SLC4A10: variants seen among roughly 807,000 people sequenced by gnomAD.
SLC4A10 encodes sodium-driven chloride bicarbonate exchanger.
A neutral mutation model predicts 137.7 loss-of-function variants in SLC4A10; 42 were observed. The ratio of observed to expected loss-of-function variants is 0.30; its 90% confidence interval spans 0.24 to 0.39. The LOEUF is 0.39. SLC4A10 is among the 10% of genes least tolerant of loss of function. The probability of loss-of-function intolerance (pLI) is 1.00; values close to 1 mark genes in which losing one functional copy is unlikely to be tolerated. For missense variants in SLC4A10, 925 were observed against 1,355.0 expected (o/e 0.68, Z 4.98); for synonymous variants, 474 against 464.1 (o/e 1.02, Z -0.27).
chr2:161,851,923 T>C (rs1225807556), intron 4 of SLC4A10, among the ~76,000 whole-genome samples: 1 of 152,186 alleles, frequency 6.6e-6, no homozygotes, highest in Non-Finnish European at 1.5e-5. Flanking sequence ...AGGATCTCAC[T>C]CTATCAGCCA....
At chr2:161,947,860 G>A (rs1694105997) in intron 17 of SLC4A10, 133 bp downstream of exon 17, 2 of 975,858 alleles carry the variant, frequency 2.0e-6, no homozygotes, top group Admixed American at 2.6e-5. Context: ...GTGAGATGAG[G>A]GGCTGAAGAG....
intron 1 of SLC4A10, among the ~76,000 whole-genome samples, chr2:161,703,176 G>T (rs2043297926): frequency 6.6e-6 from 1 of 151,538 alleles, no homozygotes; most frequent in Admixed American, 6.6e-5. Context: ...ACTTATTGGG[G>T]TTTATTCTAA....
At chr2:161,753,148 T>C (rs1237039431) in intron 1 of SLC4A10, among the ~76,000 whole-genome samples, 1 of 152,160 alleles carries the variant, frequency 6.6e-6, no homozygotes, top group Non-Finnish European at 1.5e-5. Context: ...TTCATAATCT[T>C]TGCTCATATG....
chr2:161,760,241 A>ATATTTT (rs912054109), intron 1 of SLC4A10, among the ~76,000 whole-genome samples: 1 of 151,758 alleles, frequency 6.6e-6, no homozygotes, highest in Non-Finnish European at 1.5e-5. Flanking sequence ...TGAATTTTTT[A>ATATTTT]TATTTTTGTA....
chr2:161,637,011 C>A (rs922707834), intron 1 of SLC4A10, among the ~76,000 whole-genome samples: 2 of 149,258 alleles, frequency 1.3e-5, no homozygotes, highest in African/African-American at 4.9e-5. Flanking sequence ...CATCACTATA[C>A]CCGGCCTACA....
chr2:161,856,577 A>G (rs1454966514), intron 5 of SLC4A10, among the ~76,000 whole-genome samples: 2 of 152,152 alleles, frequency 1.3e-5, no homozygotes, highest in African/African-American at 4.8e-5. Context: ...GAGAAAATAG[A>G]GAAAATGATT....
chr2:161,958,415 T>C, intron 20 of SLC4A10, 72 bp from the exon 21 acceptor site: 1 of 1,307,314 alleles, frequency 7.6e-7, no homozygotes, highest in South Asian at 1.3e-5. Flanking sequence ...CCCTGTTTTT[T>C]TCTTTGATAA....
intron 1 of SLC4A10, among the ~76,000 whole-genome samples, chr2:161,661,609 A>T (rs1311090620): frequency 6.6e-6 from 1 of 152,212 alleles, no homozygotes; most frequent in Admixed American, 6.5e-5. Flanking sequence ...TGCTTTATGG[A>T]ATTTTACTGT....
At position 161,764,879 on chromosome 2, in the gene SLC4A10, G is replaced by A. The variant is rs553993755; in HGVS notation, c.49-6094G>A. 3.9e-5 allele frequency among the ~76,000 whole-genome samples: 6 copies of A among 152,158 alleles called. No homozygotes were observed. The East Asian group carries it at 1.2e-3, about 29-fold the overall frequency. ...AAAAATTCTTCCGTTCCTAAACTTA[G>A]CACAACTGACACTTCTAAAATGGGA... On this transcript the variant is annotated intron_variant, in intron 1 of 26. Transcript: ENST00000446997.
At chr2:161,678,248 T>C (rs1003435621) in intron 1 of SLC4A10, among the ~76,000 whole-genome samples, 3 of 152,122 alleles carry the variant, frequency 2.0e-5, no homozygotes, top group African/African-American at 7.2e-5. Context: ...AATAGAGCAT[T>C]GCATTTGAAC....
intron 2 of SLC4A10, among the ~76,000 whole-genome samples, chr2:161,783,277 A>G (rs1423084046): frequency 6.6e-6 from 1 of 152,112 alleles, no homozygotes; most frequent in Non-Finnish European, 1.5e-5. Flanking sequence ...CTGTCATTCA[A>G]TCATGAAAGA....
At chr2:161,924,982 A>G (rs1344032700) in intron 15 of SLC4A10, among the ~76,000 whole-genome samples, 1 of 152,168 alleles carries the variant, frequency 6.6e-6, no homozygotes, top group Non-Finnish European at 1.5e-5. Flanking sequence ...GGGCAGAGCT[A>G]CAGGTGTTTT....
At chr2:161,869,215 C>A (rs1277788303) in intron 6 of SLC4A10, among the ~76,000 whole-genome samples, 1 of 151,508 alleles carries the variant, frequency 6.6e-6, no homozygotes, top group African/African-American at 2.4e-5. Context: ...CTGAAAATTG[C>A]CATTCTGTGA....
intron 1 of SLC4A10, among the ~76,000 whole-genome samples, chr2:161,654,400 T>G (rs2105620643): frequency 6.6e-6 from 1 of 152,334 alleles, no homozygotes; most frequent in East Asian, 1.9e-4. Flanking sequence ...TAGTTGCATT[T>G]GTATATTTTT....
intron 1 of SLC4A10, among the ~76,000 whole-genome samples, chr2:161,725,109 C>T (rs1444991686): frequency 6.6e-6 from 1 of 152,098 alleles, no homozygotes; most frequent in Non-Finnish European, 1.5e-5. Flanking sequence ...GCCTAAATCG[C>T]TTTGAACACT....
rs1452544527 is a variant in SLC4A10, at chr2:161,983,312, T to C, written c.*160T>C. 8.6e-6 allele frequency: 12 copies of C among 1,400,414 alleles called. No homozygotes were observed. Among genetic ancestry groups the C allele is most frequent in the South Asian group, 2.5e-5 (2 of 79,474 alleles). The allele number at this position is 1,400,414 out of a possible 1,614,324, so 86.7% of individuals were successfully genotyped here. On this transcript the variant is annotated 3_prime_UTR_variant, in exon 27 of 27. Transcript: ENST00000446997. ...GTCACAATTATTAATAAAACTGCTT[T>C]GATCATGTATTGTAAATTCTGTCCC...
At chr2:161,904,467 G>C (rs544820762) in intron 13 of SLC4A10, among the ~76,000 whole-genome samples, 50 of 152,220 alleles carry the variant, frequency 3.3e-4, no homozygotes, top group Middle Eastern at 6.8e-3. Flanking sequence ...TCTCACAAGA[G>C]GTCCATTTGC....
At chr2:161,674,897 C>T (rs116176778) in intron 1 of SLC4A10, among the ~76,000 whole-genome samples, 249 of 152,204 alleles carry the variant, frequency 1.6e-3, no homozygotes, top group African/African-American at 5.6e-3. Context: ...TTGTTAAGTC[C>T]ATTCAGGCAT....
chr2:161,789,455 A>G (rs912880321), intron 2 of SLC4A10, among the ~76,000 whole-genome samples: 2 of 151,984 alleles, frequency 1.3e-5, no homozygotes, highest in African/African-American at 4.8e-5. Flanking sequence ...TTGGATCATG[A>G]CCATTCAACT....
Sources: gnomAD v4.1 joint callset for allele counts (sites outside exome capture counted in the v4.1 genomes callset) on GRCh38, gnomAD v4.1.1 for gene constraint, MANE v1.5 for transcripts, NCBI Gene and HGNC (gene_info 2026-07-23, HGNC 2026-07-21) for gene names.